Variants in ADRA2B observed in about 807,000 individuals in gnomAD.
ADRA2B encodes alpha-2B adrenergic receptor.
A neutral mutation model predicts 14.4 loss-of-function variants in ADRA2B; 14 were observed. That is an observed-to-expected ratio of 0.97 (90% CI 0.64 to 1.52). The LOEUF is 1.52. Ranked by LOEUF, ADRA2B falls within the 40% of genes most tolerant of loss-of-function variation. The pLI, the probability that ADRA2B is intolerant of heterozygous loss-of-function variation, is 0.00. For missense variants in ADRA2B, 606 were observed against 603.2 expected (o/e 1.00, Z -0.05); for synonymous variants, 250 against 263.7 (o/e 0.95, Z 0.50).
Position 96,114,759 on chromosome 2 carries a change from G to T in ADRA2B, c.*38C>A. The T allele has an allele frequency of 6.3e-7, 1 of 1,577,720 alleles. No homozygotes were observed. On this transcript the variant is annotated 3_prime_UTR_variant, in exon 1 of 1. Transcript: ENST00000620793. ...GGGCAAGAAGCAGGGTGACCCCGGC[G>T]CCACCGCACCAACCCCACAGGGGCA...
At position 96,115,473 on chromosome 2, in the gene ADRA2B, CCATGGTCGGG is replaced by C; in HGVS notation, c.667_676del (p.Pro223ValfsTer127). ...CAGTTTGGCTGAGGCCAAAGCCCCA[CCATGGTCGGG>C]TCGGGGCTGCTTGGACTCACCCTGC... On this transcript the variant is annotated frameshift_variant, in exon 1 of 1. Transcript: ENST00000620793. LOFTEE classifies it low-confidence loss of function (END_TRUNC). The C allele has an allele frequency of 6.2e-7, 1 of 1,613,504 alleles. No homozygotes were observed. The highest frequency in any genetic ancestry group is 8.5e-7 in the Non-Finnish European group (1 of 1,179,840).
In ADRA2B at chr2:96,116,063, G is replaced by C. The variant is rs772769509; in HGVS notation, c.87C>G (p.Gly29=). The C allele has an allele frequency of 2.5e-6, 4 of 1,612,906 alleles. No homozygotes were observed. In the Admixed American group the frequency reaches 5.0e-5, roughly 20 times the overall value. The change falls in exon 1 of 1, where the codon GGC becomes GGG. Residue 29 remains glycine (G), a synonymous_variant. Transcript: ENST00000620793. ...ACACAGCCAGGATGACCAGAGCGTT[G>C]CCGAAGATGGTAAAGAGAATGAGGA... ...ITFLILFTIF[G]NALVILAVLT... is the part of the protein sequence containing the mutation.
In ADRA2B at chr2:96,115,909, G is replaced by T. The variant is rs780147840; in HGVS notation, c.241C>A (p.Arg81=). The stretch of plus-strand genomic sequence containing the variant: ...AGGTACACCTCGCACCACGTGCGCC[G>T]GAAGTACCAGTAGCCCAGCAGCTCG... ...ANELLGYWYF[R]RTWCEVYLAL... is the part of the protein sequence containing the mutation. Residue 81 remains arginine (R), a synonymous_variant, in exon 1 of 1, where the codon CGG becomes AGG. Coordinates refer to ENST00000620793, the MANE Select transcript of ADRA2B (RefSeq NM_000682.7). 1 of 1,613,586 alleles carries T rather than the reference G, an allele frequency of 6.2e-7. No individual in the cohort carries two copies.
At position 96,115,056 on chromosome 2, in the gene ADRA2B, C is replaced by G; in HGVS notation, c.1094G>C (p.Arg365Pro). ...QWWRRRAQLTREKRFTFVLAV... is the reference protein window; with the variant it reads ...QWWRRRAQLTPEKRFTFVLAV... ...CAGCACGAAGGTGAAGCGCTTCTCC[C>G]GGGTCAGCTGCGCCCGTCGACGCCA... is the stretch of plus-strand genomic sequence containing the variant. Residue 365 changes from arginine (R) to proline (P), a missense_variant, in exon 1 of 1, where the codon CGG becomes CCG. Physicochemically the swap from Arg to Pro is moderately radical, Grantham distance 103. Coordinates refer to ENST00000620793, the MANE Select transcript of ADRA2B (RefSeq NM_000682.7). The G allele has an allele frequency of 6.2e-7, 1 of 1,613,620 alleles. No individual in the cohort carries two copies. The highest frequency in any genetic ancestry group is 8.5e-7 in the Non-Finnish European group (1 of 1,179,762).
Position 96,114,509 on chromosome 2 carries a change from C to A in ADRA2B, c.*288G>T, listed in dbSNP as rs990722083. 7.9e-7 allele frequency: 1 copy of A among 1,260,060 alleles called. No homozygotes were observed. The highest frequency in any genetic ancestry group is 1.5e-5 in the African/African-American group (1 of 66,602). The allele number at this position is 1,260,060 out of a possible 1,614,324, so 78.1% of individuals were successfully genotyped here. The stretch of plus-strand genomic sequence containing the variant: ...CTCTGGGAAGAAAGTGCTCTCTCTT[C>A]TCCTGGTCTTGGCTATGTTCCAGAG... On this transcript the variant is annotated 3_prime_UTR_variant, in exon 1 of 1. Transcript: ENST00000620793.
rs1276496565 is a variant in ADRA2B at position 96,114,722 on chromosome 2, CCA to C, written c.*73_*74del. Reference sequence around the variant, plus strand: ...GGAGCAGAAAGCCCAGGGGAGGCAGCCACACACAGCAGGGCAAGAAGCAGGGT... The same window carrying C: ...GGAGCAGAAAGCCCAGGGGAGGCAGCCACACAGCAGGGCAAGAAGCAGGGT... On this transcript the variant is annotated 3_prime_UTR_variant, in exon 1 of 1. Coordinates refer to ENST00000620793, the MANE Select transcript of ADRA2B (RefSeq NM_000682.7). 6.7e-7 allele frequency: 1 copy of C among 1,502,436 alleles called. No homozygotes were observed. The highest frequency in any genetic ancestry group is 8.9e-7 in the Non-Finnish European group (1 of 1,126,768). 93.1% of individuals were successfully genotyped at this position (1,502,436 alleles called of 1,614,324 possible). A position where few individuals can be genotyped will look rare whatever the true frequency, so the allele number is the denominator to read the frequency against.
In ADRA2B at chr2:96,115,863, C is replaced by G. The variant is rs1186295685; in HGVS notation, c.287G>C (p.Cys96Ser). 3 of 1,613,322 alleles carry G rather than the reference C, an allele frequency of 1.9e-6. No homozygotes were observed. The highest frequency in any genetic ancestry group is 1.7e-6 in the Non-Finnish European group (2 of 1,179,730). The change falls in exon 1 of 1, where the codon TGC (cysteine) becomes TCC (serine). Residue 96 changes from cysteine to serine, a missense_variant. By Grantham distance (112) the Cys-to-Ser change is moderately radical. Transcript: ENST00000620793. The part of the protein sequence containing the change: ...EVYLALDVLF[C>S]TSSIVHLCAI... ...GCACAGGTGCACGATGGACGAGGTG[C>G]AGAAGAGCACGTCGAGCGCCAGGTA...
chr2:96,116,218 G>A lies in ADRA2B; in HGVS notation c.-69C>T. The A allele has an allele frequency of 2.8e-6, 4 of 1,406,734 alleles. No homozygotes were observed. Among genetic ancestry groups the A allele is most frequent in the Non-Finnish European group, 2.0e-6 (2 of 1,014,758 alleles). 87.1% of individuals were successfully genotyped at this position (1,406,734 alleles called of 1,614,324 possible). A position where few individuals can be genotyped will look rare whatever the true frequency, so the allele number is the denominator to read the frequency against. Reference sequence around the variant, plus strand: ...CGCACCGTGGACGACAGCGCTGCCCGGCTCGGCTAGACAAGAGCGTCGCCC... The same window carrying A: ...CGCACCGTGGACGACAGCGCTGCCCAGCTCGGCTAGACAAGAGCGTCGCCC... On this transcript the variant is annotated 5_prime_UTR_variant, in exon 1 of 1. Coordinates refer to ENST00000620793, the MANE Select transcript of ADRA2B (RefSeq NM_000682.7).
At position 96,114,623 on chromosome 2, in the gene ADRA2B, G is replaced by C. The variant is rs1681819884; in HGVS notation, c.*174C>G. 4.9e-6 allele frequency: 7 copies of C among 1,426,928 alleles called. No individual in the cohort carries two copies. The highest frequency in any genetic ancestry group is 6.4e-6 in the Non-Finnish European group (7 of 1,095,870). 88.4% of individuals were successfully genotyped at this position (1,426,928 alleles called of 1,614,324 possible). On this transcript the variant is annotated 3_prime_UTR_variant, in exon 1 of 1. Coordinates refer to ENST00000620793, the MANE Select transcript of ADRA2B (RefSeq NM_000682.7). ...AAGCCGGCAAGGGGAAGCTTCACTG[G>C]GACCCTTGCTAGCAGCCCCCCTGCC...
chr2:96,114,251 C>G lies in ADRA2B; in HGVS notation c.*546G>C. The G allele has an allele frequency of 2.0e-6, 2 of 988,084 alleles. No homozygotes were observed. The highest frequency in any genetic ancestry group is 2.4e-6 in the Non-Finnish European group (2 of 831,560). 61.2% of individuals were successfully genotyped at this position (988,084 alleles called of 1,614,324 possible). A position where few individuals can be genotyped will look rare whatever the true frequency, so the allele number is the denominator to read the frequency against. ...CCAGAGACGATGCCACCCCATAAGC[C>G]CCCATCCCAGCGCCTGCCAGGGACC... On this transcript the variant is annotated 3_prime_UTR_variant, in exon 1 of 1. Coordinates refer to ENST00000620793, the MANE Select transcript of ADRA2B (RefSeq NM_000682.7).
In ADRA2B at chr2:96,113,599, G is replaced by GTGGATATTTTGAGCTGTCT. The variant is rs1236566041; in HGVS notation, c.*1179_*1197dup. The GTGGATATTTTGAGCTGTCT allele has an allele frequency of 6.3e-6, 1 of 158,340 alleles. No homozygotes were observed. Among genetic ancestry groups the GTGGATATTTTGAGCTGTCT allele is most frequent in the Non-Finnish European group, 1.4e-5 (1 of 72,492 alleles). 9.8% of individuals were successfully genotyped at this position (158,340 alleles called of 1,614,324 possible). ...TCTCATCTTAGACTGTTGCCGAGGTGTGGATATTTTGAGCTGTCTTGGGGA... is the reference window on the plus strand; with the variant it reads ...TCTCATCTTAGACTGTTGCCGAGGTGTGGATATTTTGAGCTGTCTTGGATATTTTGAGCTGTCTTGGGGA... On this transcript the variant is annotated 3_prime_UTR_variant, in exon 1 of 1. Coordinates refer to ENST00000620793, the MANE Select transcript of ADRA2B (RefSeq NM_000682.7).
rs764683857 is a variant in ADRA2B, at chr2:96,116,000, G to C, written c.150C>G (p.Phe50Leu). 1.2e-6 allele frequency: 2 copies of C among 1,613,636 alleles called. No homozygotes were observed. The highest frequency in any genetic ancestry group is 2.2e-5 in the East Asian group (1 of 44,876). Residue 50 changes from phenylalanine to leucine, a missense_variant, in exon 1 of 1, where the codon TTC becomes TTG. By Grantham distance (22) the Phe-to-Leu change is conservative. Transcript: ENST00000620793. ...TGTCGGCGGCGGCCAGCGACACCAGGAACAGGTTCTGAGGGGCGCGCAGCG... is the reference window on the plus strand; with the variant it reads ...TGTCGGCGGCGGCCAGCGACACCAGCAACAGGTTCTGAGGGGCGCGCAGCG... ...SRSLRAPQNL[F>L]LVSLAAADIL...
Position 96,114,886 on chromosome 2 carries a change from T to C in ADRA2B, c.1264A>G (p.Asn422Asp), listed in dbSNP as rs1164116369. 2.5e-6 allele frequency: 4 copies of C among 1,613,964 alleles called. No homozygotes were observed. Among genetic ancestry groups the C allele is most frequent in the Non-Finnish European group, 3.4e-6 (4 of 1,179,976 alleles). The change falls in exon 1 of 1, where the codon AAC becomes GAC. Residue 422 changes from asparagine to aspartate, a missense_variant. By Grantham distance (23) the Asn-to-Asp change is conservative. Coordinates refer to ENST00000620793, the MANE Select transcript of ADRA2B (RefSeq NM_000682.7). ...TTGAAGATGGTGTAGATAACAGGGT[T>C]CAGTGAGCTGTTGCAGTAGCCGATC... ...FWIGYCNSSL[N>D]PVIYTIFNQD...
Position 96,113,208 on chromosome 2 carries a change from C to T in ADRA2B, c.*1589G>A, listed in dbSNP as rs1681789657. The stretch of plus-strand genomic sequence containing the variant: ...CCAAATCTAGCAGGTCCATCTGGCC[C>T]ATTCCCCCGACACCTGCCAAGCTAA... On this transcript the variant is annotated 3_prime_UTR_variant, in exon 1 of 1. Transcript: ENST00000620793. The T allele has an allele frequency of 1.3e-5, 5 of 398,594 alleles. No homozygotes were observed. The South Asian group carries it at 6.4e-4, about 51-fold the overall frequency. The allele number at this position is 398,594 out of a possible 1,614,324, so 24.7% of individuals were successfully genotyped here. A position where few individuals can be genotyped will look rare whatever the true frequency, so the allele number is the denominator to read the frequency against.
At position 96,114,993 on chromosome 2, in the gene ADRA2B, G is replaced by C; in HGVS notation, c.1157C>G (p.Pro386Arg). Residue 386 changes from proline to arginine, a missense_variant, in exon 1 of 1, where the codon CCC (proline) becomes CGC (arginine). Transcript: ENST00000620793. ...VIGVFVLCWFPFFFSYSLGAI... is the reference protein window; with the variant it reads ...VIGVFVLCWFRFFFSYSLGAI... ...TCCCAGGCTGTAGCTGAAGAAGAAGGGGAACCAGCAGAGCACAAAAACGCC... is the reference window on the plus strand; with the variant it reads ...TCCCAGGCTGTAGCTGAAGAAGAAGCGGAACCAGCAGAGCACAAAAACGCC... 1 of 1,613,590 alleles carries C rather than the reference G, an allele frequency of 6.2e-7. No homozygotes were observed.
rs3813662 is a variant in ADRA2B, at chr2:96,113,947, A to C, written c.*850T>G. 0.014 allele frequency: 14,190 copies of C among 985,830 alleles called. 448 individuals carry two copies. The Admixed American group carries it at 0.15, about 10-fold the overall frequency. The allele number at this position is 985,830 out of a possible 1,614,324, so 61.1% of individuals were successfully genotyped here. ...CATATAATCACATTTTTGGTTCTCT[A>C]GTGTGTTCCCCCACAGAGCTCAAAG... On this transcript the variant is annotated 3_prime_UTR_variant, in exon 1 of 1. Coordinates refer to ENST00000620793, the MANE Select transcript of ADRA2B (RefSeq NM_000682.7).
rs746794661 is a variant in ADRA2B, at chr2:96,115,908, C to G, written c.242G>C (p.Arg81Pro). 2 of 1,613,578 alleles carry G rather than the reference C, an allele frequency of 1.2e-6. No homozygotes were observed. Among genetic ancestry groups the G allele is most frequent in the East Asian group, 2.2e-5 (1 of 44,860 alleles). Residue 81 changes from arginine to proline, a missense_variant, in exon 1 of 1, where the codon CGG (arginine) becomes CCG (proline). Transcript: ENST00000620793. ...ANELLGYWYF[R>P]RTWCEVYLAL... The stretch of plus-strand genomic sequence containing the variant: ...CAGGTACACCTCGCACCACGTGCGC[C>G]GGAAGTACCAGTAGCCCAGCAGCTC...
In ADRA2B at chr2:96,116,359, G is replaced by T. The variant is rs1274415020; in HGVS notation, c.-210C>A. 3 of 572,726 alleles carry T rather than the reference G, an allele frequency of 5.2e-6. No individual in the cohort carries two copies. The highest frequency in any genetic ancestry group is 9.3e-6 in the Non-Finnish European group (3 of 321,300). The allele number at this position is 572,726 out of a possible 1,614,324, so 35.5% of individuals were successfully genotyped here. Reference sequence around the variant, plus strand: ...TACATCCTCCTCCACCGGTGCCCGGGGTCCCTGCCGTCCGCCCCAGAGAAG... The same window carrying T: ...TACATCCTCCTCCACCGGTGCCCGGTGTCCCTGCCGTCCGCCCCAGAGAAG... On this transcript the variant is annotated 5_prime_UTR_variant, in exon 1 of 1. Coordinates refer to ENST00000620793, the MANE Select transcript of ADRA2B (RefSeq NM_000682.7).
chr2:96,113,913 T>C lies in ADRA2B; in HGVS notation c.*884A>G. Reference sequence around the variant, plus strand: ...TGGTAAACACAGAGGAAAGGGATTTTTATATCACCATATAATCACATTTTT... The same window carrying C: ...TGGTAAACACAGAGGAAAGGGATTTCTATATCACCATATAATCACATTTTT... On this transcript the variant is annotated 3_prime_UTR_variant, in exon 1 of 1. Coordinates refer to ENST00000620793, the MANE Select transcript of ADRA2B (RefSeq NM_000682.7). The C allele has an allele frequency of 1.0e-6, 1 of 985,896 alleles. No homozygotes were observed. The highest frequency in any genetic ancestry group is 4.7e-5 in the South Asian group (1 of 21,290). 61.1% of individuals were successfully genotyped at this position (985,896 alleles called of 1,614,324 possible).
Sources: allele counts gnomAD v4.1 joint callset, GRCh38; gene constraint gnomAD v4.1.1; transcripts MANE v1.5; gene names NCBI Gene and HGNC (gene_info 2026-07-23, HGNC 2026-07-21).